Variants in SLC16A10 observed in about 807,000 individuals in gnomAD.
SLC16A10 encodes monocarboxylate transporter 10.
In SLC16A10, 27 loss-of-function variants were observed where a neutral mutation model predicts 40.0. The observed-to-expected ratio is 0.67, with a 90% CI of 0.50 to 0.93. The LOEUF is 0.93. Among genes scored for constraint, SLC16A10 ranks in the 40% least tolerant of loss-of-function variants. SLC16A10 has a pLI of 0.00. For synonymous variants in SLC16A10, 213 were observed against 249.8 expected (o/e 0.85, Z 1.39); for missense variants, 529 against 658.2 (o/e 0.80, Z 2.15).
intron 4 of SLC16A10, among the ~76,000 whole-genome samples, chr6:111,211,295 C>A (rs1253311172): frequency 6.6e-6 from 1 of 152,190 alleles, no homozygotes; most frequent in South Asian, 2.1e-4. Flanking sequence ...CTAGATAGGG[C>A]AGACAGATTA....
At chr6:111,204,961 A>G (rs1198478108) in intron 3 of SLC16A10, among the ~76,000 whole-genome samples, 2 of 152,062 alleles carry the variant, frequency 1.3e-5, no homozygotes, top group Non-Finnish European at 2.9e-5. Context: ...TATAAGTCAG[A>G]TGAATTTTCT....
chr6:111,113,039 T>G (rs1220073669), intron 1 of SLC16A10, among the ~76,000 whole-genome samples: 1 of 152,200 alleles, frequency 6.6e-6, no homozygotes, highest in Non-Finnish European at 1.5e-5. Context: ...GGTCATTTTG[T>G]TCCATTACTC....
intron 2 of SLC16A10, among the ~76,000 whole-genome samples, chr6:111,173,064 G>T (rs1772616681): frequency 6.6e-6 from 1 of 152,026 alleles, no homozygotes; most frequent in Non-Finnish European, 1.5e-5. Flanking sequence ...CATCAATCAG[G>T]ATATATGTGT....
chr6:111,131,532 T>C (rs57661714), intron 1 of SLC16A10, among the ~76,000 whole-genome samples: 2,233 of 152,304 alleles, frequency 0.015, 47 homozygotes, highest in African/African-American at 0.052. Context: ...GGACCACTTT[T>C]GCTTGCTGTT....
intron 1 of SLC16A10, among the ~76,000 whole-genome samples, chr6:111,097,495 G>A (rs939398833): frequency 1.3e-5 from 2 of 151,736 alleles, no homozygotes; most frequent in African/African-American, 2.4e-5. Flanking sequence ...TGTATTTTTA[G>A]TAGAGGTAGG....
intron 3 of SLC16A10, among the ~76,000 whole-genome samples, chr6:111,202,287 G>A (rs1204142182): frequency 6.6e-6 from 1 of 152,098 alleles, no homozygotes. Flanking sequence ...ACCAGCCTGG[G>A]CAACATAACA....
chr6:111,198,396 G>A (rs1172710125), intron 3 of SLC16A10, among the ~76,000 whole-genome samples: 2 of 152,136 alleles, frequency 1.3e-5, no homozygotes, highest in Admixed American at 6.5e-5. Flanking sequence ...ATGTACAGTC[G>A]TGCATCTCTT....
chr6:111,216,428 G>C (rs1223249198), intron 4 of SLC16A10, among the ~76,000 whole-genome samples: 1 of 151,756 alleles, frequency 6.6e-6, no homozygotes, highest in African/African-American at 2.4e-5. Context: ...TTTTGAGAGG[G>C]AGTCTCACAC....
intron 1 of SLC16A10, among the ~76,000 whole-genome samples, chr6:111,116,337 C>A (rs1771486557): frequency 6.6e-6 from 1 of 151,958 alleles, no homozygotes; most frequent in Non-Finnish European, 1.5e-5. Flanking sequence ...CATGCCTCAG[C>A]CTCCGGAGTA....
At chr6:111,176,986 G>A (rs777175269) in intron 2 of SLC16A10, among the ~76,000 whole-genome samples, 1 of 151,856 alleles carries the variant, frequency 6.6e-6, no homozygotes, top group Non-Finnish European at 1.5e-5. Context: ...GACCTTAATG[G>A]TTATTTTTCA....
intron 1 of SLC16A10, among the ~76,000 whole-genome samples, chr6:111,137,950 C>G (rs930995112): frequency 6.6e-6 from 1 of 152,212 alleles, no homozygotes; most frequent in African/African-American, 2.4e-5. Flanking sequence ...CCTGAGAGCA[C>G]AGGGGGAGGG....
intron 1 of SLC16A10, 99 bp from the exon 2 acceptor site, chr6:111,172,596 A>G (rs918185530): frequency 2.8e-6 from 4 of 1,431,308 alleles, no homozygotes; most frequent in Non-Finnish European, 3.7e-6. Flanking sequence ...CAAAAAAACT[A>G]AAAATAAAAT....
At chr6:111,198,794 G>A (rs915503891) in intron 3 of SLC16A10, among the ~76,000 whole-genome samples, 2 of 152,124 alleles carry the variant, frequency 1.3e-5, no homozygotes, top group Non-Finnish European at 2.9e-5. Context: ...TGCACATTTA[G>A]CCGATAGGTG....
intron 2 of SLC16A10, among the ~76,000 whole-genome samples, chr6:111,176,852 C>T (rs1392264855): frequency 6.6e-6 from 1 of 152,148 alleles, no homozygotes; most frequent in East Asian, 1.9e-4. Flanking sequence ...AATTGAATCA[C>T]TGTTGATTTT....
At chr6:111,093,162 A>T (rs1289156907) in intron 1 of SLC16A10, among the ~76,000 whole-genome samples, 1 of 152,174 alleles carries the variant, frequency 6.6e-6, no homozygotes, top group Non-Finnish European at 1.5e-5. Flanking sequence ...TTGTTTTGAG[A>T]TTGTGCCATT....
intron 1 of SLC16A10, among the ~76,000 whole-genome samples, chr6:111,090,839 T>G (rs144936260): frequency 6.6e-5 from 10 of 152,358 alleles, no homozygotes; most frequent in African/African-American, 1.9e-4. Flanking sequence ...TTTCAAAGTT[T>G]TGGTCTATTT....
chr6:111,152,292 G>A (rs1041368216), intron 1 of SLC16A10, among the ~76,000 whole-genome samples: 1 of 152,108 alleles, frequency 6.6e-6, no homozygotes, highest in Non-Finnish European at 1.5e-5. Flanking sequence ...TTTGTCCCCC[G>A]GTAGAATGGC....
At chr6:111,111,737 A>G (rs1198680327) in intron 1 of SLC16A10, among the ~76,000 whole-genome samples, 4 of 152,152 alleles carry the variant, frequency 2.6e-5, no homozygotes, top group Non-Finnish European at 5.9e-5. Context: ...AAGATTCTAC[A>G]TGTCAGTGAG....
chr6:111,214,702 G>T (rs1373159718), intron 4 of SLC16A10, among the ~76,000 whole-genome samples: 4 of 152,134 alleles, frequency 2.6e-5, no homozygotes, highest in Admixed American at 2.6e-4. Context: ...AAGTCTTAAA[G>T]GAAAATGAAA....
Sources: allele counts gnomAD v4.1 joint callset (sites outside exome capture counted in the v4.1 genomes callset), GRCh38; gene constraint gnomAD v4.1.1; transcripts MANE v1.5; gene names NCBI Gene and HGNC (gene_info 2026-07-23, HGNC 2026-07-21).